SAMD12: variants seen among roughly 807,000 people sequenced by gnomAD.
SAMD12 encodes sterile alpha motif domain containing 12.
A neutral mutation model predicts 15.0 loss-of-function variants in SAMD12; 9 were observed. The observed-to-expected ratio is 0.60, with a 90% confidence interval of 0.36 to 1.05. SAMD12 has a LOEUF of 1.05. Among genes scored for constraint, SAMD12 ranks in the 50% least tolerant of loss-of-function variants. The pLI is 0.01. For synonymous variants in SAMD12, 86 were observed against 90.1 expected, an observed-to-expected ratio of 0.96 and a Z score of 0.25; for missense variants, 230 against 234.2, an observed-to-expected ratio of 0.98 and a Z score of 0.12.
At chr8:118,466,804 A>G (rs994239371) in intron 2 of SAMD12, among the ~76,000 whole-genome samples, 2 of 14,638 alleles carry the variant, frequency 1.4e-4, no homozygotes, top group East Asian at 7.6e-4. Context: ...GAGAGAGAGA[A>G]AAAAAAATAC....
chr8:118,431,898 A>G (rs573216998), intron 3 of SAMD12, among the ~76,000 whole-genome samples: 1 of 152,132 alleles, frequency 6.6e-6, no homozygotes, highest in Admixed American at 6.6e-5. Flanking sequence ...ATCTTTTAAT[A>G]TAGTCCCACA....
intron 4 of SAMD12, among the ~76,000 whole-genome samples, chr8:118,211,776 G>C (rs764225765): frequency 1.3e-5 from 2 of 151,994 alleles, no homozygotes; most frequent in Non-Finnish European, 1.5e-5. Context: ...CCCTCCAGAC[G>C]GTTAGTGTTT....
the SAMD12 span, among the ~76,000 whole-genome samples, chr8:118,168,778 C>T: frequency 4.6e-5 from 7 of 152,016 alleles, no homozygotes; most frequent in African/African-American, 7.3e-5. Context: ...TTCTTTCTGA[C>T]TGTAATGTCA....
intron 1 of SAMD12, among the ~76,000 whole-genome samples, chr8:118,604,287 C>T (rs549439461): frequency 1.7e-4 from 26 of 152,054 alleles, no homozygotes; most frequent in Non-Finnish European, 3.4e-4. Flanking sequence ...GAATATTTAT[C>T]TATATTTGTA....
chr8:118,423,930 T>C (rs1169771814), intron 3 of SAMD12, among the ~76,000 whole-genome samples: 1 of 152,210 alleles, frequency 6.6e-6, no homozygotes, highest in Non-Finnish European at 1.5e-5. Flanking sequence ...TTCCCCAACA[T>C]GATGATAATT....
the SAMD12 span, among the ~76,000 whole-genome samples, chr8:118,168,550 CT>C: frequency 6.6e-6 from 1 of 152,158 alleles, no homozygotes; most frequent in Non-Finnish European, 1.5e-5. Context: ...CATTCTGACC[CT>C]TTTCTCTTAG....
chr8:118,586,334 C>A (rs1254392530), intron 1 of SAMD12, among the ~76,000 whole-genome samples: 2 of 149,356 alleles, frequency 1.3e-5, no homozygotes, highest in African/African-American at 5.0e-5. Flanking sequence ...CACTTCTCCT[C>A]TTTTTCTTTC....
At chr8:118,314,920 G>C (rs1199911908) in intron 4 of SAMD12, among the ~76,000 whole-genome samples, 1 of 152,104 alleles carries the variant, frequency 6.6e-6, no homozygotes, top group Non-Finnish European at 1.5e-5. Flanking sequence ...TTTTTTCTGG[G>C]ACAAATGTCC....
chr8:118,491,370 T>C (rs1824436392), intron 2 of SAMD12, among the ~76,000 whole-genome samples: 1 of 152,206 alleles, frequency 6.6e-6, no homozygotes, highest in South Asian at 2.1e-4. Flanking sequence ...TCACAAGTGA[T>C]TTCTTATTTA....
intron 3 of SAMD12, among the ~76,000 whole-genome samples, chr8:118,395,329 G>C (rs1188081705): frequency 6.6e-6 from 1 of 152,120 alleles, no homozygotes; most frequent in South Asian, 2.1e-4. Context: ...TGAAGGCCCA[G>C]GCCACTTAGA....
chr8:118,415,836 A>T (rs1012275125), intron 3 of SAMD12, among the ~76,000 whole-genome samples: 1 of 152,204 alleles, frequency 6.6e-6, no homozygotes, highest in Non-Finnish European at 1.5e-5. Flanking sequence ...GTGGCAGCTC[A>T]CAGGTTGGGA....
the SAMD12 span, among the ~76,000 whole-genome samples, chr8:118,171,666 G>T: frequency 1.3e-5 from 2 of 151,620 alleles, no homozygotes; most frequent in Admixed American, 6.6e-5. Flanking sequence ...GTCAGTGGTT[G>T]CCAGGGACTG....
At chr8:118,607,321 C>T (rs529655451) in intron 1 of SAMD12, among the ~76,000 whole-genome samples, 24 of 152,160 alleles carry the variant, frequency 1.6e-4, no homozygotes, top group African/African-American at 5.5e-4. Context: ...CTGCAACCTC[C>T]GCCTCCCGGG....
At chr8:118,462,276 A>G (rs1171496453) in intron 2 of SAMD12, among the ~76,000 whole-genome samples, 2 of 152,226 alleles carry the variant, frequency 1.3e-5, no homozygotes, top group Non-Finnish European at 1.5e-5. Flanking sequence ...TCCTGCACAA[A>G]GTAAAGGATA....
chr8:118,299,528 T>C (rs1037404436), intron 4 of SAMD12, among the ~76,000 whole-genome samples: 1 of 152,072 alleles, frequency 6.6e-6, no homozygotes, highest in African/African-American at 2.4e-5. Context: ...GATGATCTTA[T>C]TGGCAGAACA....
chr8:118,404,939 G>C (rs1169188907), intron 3 of SAMD12, among the ~76,000 whole-genome samples: 1 of 152,132 alleles, frequency 6.6e-6, no homozygotes, highest in Non-Finnish European at 1.5e-5. Context: ...TGGGGCTACA[G>C]GCATGAACCA....
chr8:118,302,078 GTTTTTTTTT>G (rs58076997), intron 4 of SAMD12, among the ~76,000 whole-genome samples: 1,079 of 74,716 alleles, frequency 0.014, 17 homozygotes, highest in South Asian at 0.086. Context: ...ATCTTTGAGA[GTTTTTTTTT>G]TTTTTTTTTT....
intron 4 of SAMD12, among the ~76,000 whole-genome samples, chr8:118,312,703 A>G (rs556345147): frequency 6.6e-6 from 1 of 152,294 alleles, no homozygotes; most frequent in East Asian, 1.9e-4. Flanking sequence ...GTTATATCTA[A>G]TACAACAACC....
chr8:118,543,631 C>CTTTTTTTTTCTTTTTTTTTT (rs1388816858), intron 2 of SAMD12, among the ~76,000 whole-genome samples: 1 of 116,632 alleles, frequency 8.6e-6, no homozygotes. Flanking sequence ...TTCTTTCTTT[C>CTTTTTTTTTCTTTTTTTTTT]TTTTTTTTTT....
Sources: allele counts gnomAD v4.1 joint callset (sites outside exome capture counted in the v4.1 genomes callset), GRCh38; gene constraint gnomAD v4.1.1; transcripts MANE v1.5; gene names NCBI Gene and HGNC (gene_info 2026-07-23, HGNC 2026-07-21).